Variants in ZNF441 observed in about 807,000 individuals in gnomAD.
The protein encoded by ZNF441 is zinc finger protein 441.
ZNF441 carries 25 observed loss-of-function variants against 64.5 expected under a neutral mutation model. The ratio of observed to expected loss-of-function variants is 0.39; its 90% CI spans 0.28 to 0.54. The LOEUF (loss-of-function observed/expected upper bound fraction) is 0.54. Among genes scored for constraint, ZNF441 ranks in the 20% least tolerant of loss-of-function variants. The pLI, the probability that ZNF441 is intolerant of heterozygous loss-of-function variation, is 0.70. For missense variants in ZNF441, 715 were observed against 843.3 expected (o/e 0.85, Z 1.88); for synonymous variants, 262 against 268.0 (o/e 0.98, Z 0.22).
At chr19:11,775,673 G>A (rs1418552170) in intron 1 of ZNF441, among the ~76,000 whole-genome samples, 1 of 143,868 alleles carries the variant, frequency 7.0e-6, no homozygotes, top group African/African-American at 2.6e-5. Flanking sequence ...TATCGCCCAG[G>A]CTGGAGTGCA....
At chr19:11,771,994 A>C (rs1295593070) in intron 1 of ZNF441, among the ~76,000 whole-genome samples, 1 of 152,098 alleles carries the variant, frequency 6.6e-6, no homozygotes, top group Non-Finnish European at 1.5e-5. Flanking sequence ...CATCCTGTAC[A>C]CCTGGCTCTG....
chr19:11,775,398 C>T (rs1483821632), intron 1 of ZNF441, among the ~76,000 whole-genome samples: 2 of 152,134 alleles, frequency 1.3e-5, no homozygotes, highest in Non-Finnish European at 2.9e-5. Flanking sequence ...GGGGCAATCT[C>T]AGCTCACTGC....
chr19:11,769,551 G>A (rs1226603225), intron 1 of ZNF441, among the ~76,000 whole-genome samples: 5 of 152,128 alleles, frequency 3.3e-5, no homozygotes, highest in Admixed American at 6.5e-5. Flanking sequence ...AGTCCTTTGG[G>A]TTGCTATAAC....
At position 11,767,037 on chromosome 19, in the gene ZNF441, T is replaced by G. The variant is rs1025706104; in HGVS notation, c.-157T>G. The stretch of plus-strand genomic sequence containing the variant: ...CACTGACCGGAGGAGGGTGCAAGGT[T>G]CAAAGAGCCCGCCGAGTCTTCTCCA... On this transcript the variant is annotated 5_prime_UTR_variant, in exon 1 of 4. Transcript: ENST00000357901. The surrounding 1 kb of genome is among the most constrained non-coding windows in gnomAD (Gnocchi z 5.1). 1.8e-6 allele frequency: 2 copies of G among 1,140,224 alleles called. No homozygotes were observed. Among genetic ancestry groups the G allele is most frequent in the Admixed American group, 4.5e-5 (2 of 44,718 alleles). The allele number at this position is 1,140,224 out of a possible 1,614,324, so 70.6% of individuals were successfully genotyped here.
chr19:11,780,131 T>C lies in ZNF441; in HGVS notation c.307T>C (p.Trp103Arg), dbSNP rs1451597715. The C allele has an allele frequency of 6.2e-7, 1 of 1,614,180 alleles. No homozygotes were observed. Among genetic ancestry groups the C allele is most frequent in the Non-Finnish European group, 8.5e-7 (1 of 1,180,032 alleles). Residue 103 changes from tryptophan to arginine, a missense_variant, in exon 4 of 4, where the codon TGG becomes CGG. By Grantham distance (101) the Trp-to-Arg change is moderately radical. Coordinates refer to ENST00000357901, the MANE Select transcript of ZNF441 (RefSeq NM_152355.3). The stretch of plus-strand genomic sequence containing the variant: ...CGAGAAAATACCTGGAGTAGATCCA[T>C]GGGAAAGCAGTGAGTGTACAGACGT... Reference protein sequence around the residue: ...VNEKIPGVDPWESSECTDVLM... With the variant: ...VNEKIPGVDPRESSECTDVLM...
chr19:11,771,833 T>C (rs1975316195), intron 1 of ZNF441, among the ~76,000 whole-genome samples: 1 of 152,182 alleles, frequency 6.6e-6, no homozygotes, highest in Non-Finnish European at 1.5e-5. Context: ...GGGAGTCTCC[T>C]TTTCCCCGGG....
Position 11,784,029 on chromosome 19 carries a change from T to C in ZNF441, c.*2123T>C, listed in dbSNP as rs975103874. 1 of 152,164 alleles carries C rather than the reference T, an allele frequency of 6.6e-6. No homozygotes were observed. The highest frequency in any genetic ancestry group is 1.5e-5 in the Non-Finnish European group (1 of 68,028). 9.4% of individuals were successfully genotyped at this position (152,164 alleles called of 1,614,324 possible). A position where few individuals can be genotyped will look rare whatever the true frequency, so the allele number is the denominator to read the frequency against. ...AATGCTCATGTGTACCTTATATATA[T>C]GTAAAATATGTATCAATAAAAGAAA... On this transcript the variant is annotated 3_prime_UTR_variant, in exon 4 of 4. Transcript: ENST00000357901.
chr19:11,767,122 G>A lies in ZNF441; in HGVS notation c.-72G>A. On this transcript the variant is annotated 5_prime_UTR_variant, in exon 1 of 4. Transcript: ENST00000357901. This position sits in a 1 kb window ranked among gnomAD's most constrained non-coding sequence, Gnocchi z 5.1. ...GAGACGCCCTGGAACGTCTGTGGCA[G>A]CTTCTGTCTCGCTGGGACCCGCACT... is the stretch of plus-strand genomic sequence containing the variant. 1 of 1,551,592 alleles carries A rather than the reference G, an allele frequency of 6.4e-7. No homozygotes were observed. Among genetic ancestry groups the A allele is most frequent in the Non-Finnish European group, 8.7e-7 (1 of 1,146,820 alleles).
At position 11,783,193 on chromosome 19, in the gene ZNF441, T is replaced by C. The variant is rs1417570744; in HGVS notation, c.*1287T>C. 2 of 152,188 alleles carry C rather than the reference T, an allele frequency of 1.3e-5. No individual in the cohort carries two copies. The highest frequency in any genetic ancestry group is 2.9e-5 in the Non-Finnish European group (2 of 68,024). 9.4% of individuals were successfully genotyped at this position (152,188 alleles called of 1,614,324 possible). On this transcript the variant is annotated 3_prime_UTR_variant, in exon 4 of 4. Coordinates refer to ENST00000357901, the MANE Select transcript of ZNF441 (RefSeq NM_152355.3). ...AATGGCCAAAAAGTATATGGAAATA[T>C]GTTCAACATCACTAATGATTAGGAA...
chr19:11,770,260 C>G (rs988629108), intron 1 of ZNF441, among the ~76,000 whole-genome samples: 1 of 152,010 alleles, frequency 6.6e-6, no homozygotes, highest in African/African-American at 2.4e-5. Flanking sequence ...CTTATAAAAC[C>G]GTCAGATTTC....
chr19:11,779,206 TTAC>T (rs1201973280), intron 3 of ZNF441, among the ~76,000 whole-genome samples: 2 of 150,750 alleles, frequency 1.3e-5, no homozygotes, highest in Non-Finnish European at 3.0e-5. Context: ...GTGGTTTCAG[TTAC>T]TTGGGAGGCT....
intron 1 of ZNF441, among the ~76,000 whole-genome samples, chr19:11,768,637 C>T (rs971894947): frequency 6.6e-6 from 1 of 152,206 alleles, no homozygotes; most frequent in South Asian, 2.1e-4. Context: ...CCCTTTGTCA[C>T]TCCTCCCAGA....
rs777237857 is a variant in ZNF441, at chr19:11,777,780, T to C, written c.130+43T>C. 29 of 1,582,346 alleles carry C rather than the reference T, an allele frequency of 1.8e-5. No homozygotes were observed. The South Asian group carries it at 3.1e-4, about 17-fold the overall frequency. ...TCTTCACTTAGTCAATTAGAGACAT[T>C]TGTTTCTTGGTCATCAATGCTGTTC... On this transcript the variant is annotated intron_variant, in intron 2 of 3. Coordinates refer to ENST00000357901, the MANE Select transcript of ZNF441 (RefSeq NM_152355.3).
In ZNF441 at chr19:11,781,751, T is replaced by A; in HGVS notation, c.1927T>A (p.Tyr643Asn). 1 of 1,614,138 alleles carries A rather than the reference T, an allele frequency of 6.2e-7. No homozygotes were observed. The highest frequency in any genetic ancestry group is 8.5e-7 in the Non-Finnish European group (1 of 1,179,988). ...HERVHTGEKP[Y>N]KCKECGKPFH... ...AAGAGTTCATACTGGAGAGAAGCCGTATAAATGTAAGGAATGTGGGAAACC... is the reference window on the plus strand; with the variant it reads ...AAGAGTTCATACTGGAGAGAAGCCGAATAAATGTAAGGAATGTGGGAAACC... The change falls in exon 4 of 4, where the codon TAT becomes AAT. Residue 643 changes from tyrosine to asparagine, a missense_variant. By Grantham distance (143) the Tyr-to-Asn change is moderately radical (BLOSUM62 -2). Around this residue, in one of 2 missense-constraint regions of ZNF441, gnomAD observed 316 missense variants for 429.3 expected, o/e 0.74. Coordinates refer to ENST00000357901, the MANE Select transcript of ZNF441 (RefSeq NM_152355.3).
chr19:11,778,518 G>C (rs1259487920), intron 3 of ZNF441, 125 bp downstream of exon 3: 10 of 737,034 alleles, frequency 1.4e-5, no homozygotes, highest in Non-Finnish European at 2.2e-5. Context: ...GAGTACAGTG[G>C]TATGATCATA....
chr19:11,778,156 A>G, intron 2 of ZNF441, 174 bp from the exon 3 acceptor site: 1 of 562,388 alleles, frequency 1.8e-6, no homozygotes, highest in South Asian at 2.6e-5. Flanking sequence ...TCTCAAGAGT[A>G]GCAGAGACTG....
Position 11,781,500 on chromosome 19 carries a change from A to G in ZNF441, c.1676A>G (p.Tyr559Cys), listed in dbSNP as rs541243709. 4 of 1,614,138 alleles carry G rather than the reference A, an allele frequency of 2.5e-6. No homozygotes were observed. In the African/African-American group the frequency reaches 4.0e-5, roughly 16 times the overall value. Residue 559 changes from tyrosine (Y) to cysteine (C), a missense_variant, in exon 4 of 4, where the codon TAT becomes TGT. Around this residue, in one of 2 missense-constraint regions of ZNF441, gnomAD observed 316 missense variants for 429.3 expected, o/e 0.74. Transcript: ENST00000357901. ...HERTHTGEKP[Y>C]GCQQCGKALS... ...AGGACTCACACTGGAGAGAAACCCT[A>G]TGGTTGTCAGCAATGTGGGAAAGCA... is the stretch of plus-strand genomic sequence containing the variant.
chr19:11,784,025 T>C lies in ZNF441; in HGVS notation c.*2119T>C, dbSNP rs1439778662. ...AAGAAATGCTCATGTGTACCTTATA[T>C]ATATGTAAAATATGTATCAATAAAA... On this transcript the variant is annotated 3_prime_UTR_variant, in exon 4 of 4. Transcript: ENST00000357901. The C allele has an allele frequency of 6.6e-6, 1 of 152,198 alleles. No individual in the cohort carries two copies. The highest frequency in any genetic ancestry group is 1.5e-5 in the Non-Finnish European group (1 of 68,038). 9.4% of individuals were successfully genotyped at this position (152,198 alleles called of 1,614,324 possible).
At position 11,782,606 on chromosome 19, in the gene ZNF441, A is replaced by G. The variant is rs537418105; in HGVS notation, c.*700A>G. ...TGTACATGTCAGCAACAATGTCAGG[A>G]TCTGTGGAGTTTGCGAGTATAAGAT... On this transcript the variant is annotated 3_prime_UTR_variant, in exon 4 of 4. Transcript: ENST00000357901. 6.6e-6 allele frequency: 1 copy of G among 152,302 alleles called. No homozygotes were observed. Among genetic ancestry groups the G allele is most frequent in the African/African-American group, 2.4e-5 (1 of 41,582 alleles). The allele number at this position is 152,302 out of a possible 1,614,324, so 9.4% of individuals were successfully genotyped here.
Sources: gnomAD v4.1 joint callset for allele counts (sites outside exome capture counted in the v4.1 genomes callset) on GRCh38, gnomAD v4.1.1 for gene constraint, gnomAD v4.1.1 regional missense constraint, Gnocchi (gnomAD v3.1) non-coding constraint, MANE v1.5 for transcripts, NCBI Gene and HGNC (gene_info 2026-07-23, HGNC 2026-07-21) for gene names.